Variants in MIPEP observed in about 807,000 individuals in gnomAD.
MIPEP encodes the protein mitochondrial intermediate peptidase.
In MIPEP, 79 loss-of-function variants were observed where a neutral mutation model predicts 90.3. That is an observed-to-expected ratio of 0.87 (90% CI 0.73 to 1.05). The LOEUF (loss-of-function observed/expected upper bound fraction) is 1.05, where lower values mean the gene tolerates loss of function less well. Ranked by LOEUF, MIPEP falls within the 50% of genes least tolerant of loss-of-function variation. MIPEP has a pLI of 0.00. For missense variants in MIPEP, 940 were observed against 905.6 expected, an observed-to-expected ratio of 1.04 and a Z score of -0.49; for synonymous variants, 334 against 315.8, an observed-to-expected ratio of 1.06 and a Z score of -0.61.
intron 16 of MIPEP, among the ~76,000 whole-genome samples, chr13:23,777,126 C>T (rs769550013): frequency 2.0e-5 from 3 of 152,130 alleles, no homozygotes; most frequent in Non-Finnish European, 2.9e-5. Flanking sequence ...TGGGTGATCT[C>T]GTGGCTTATT....
intron 16 of MIPEP, among the ~76,000 whole-genome samples, chr13:23,783,069 C>A (rs1338665691): frequency 3.3e-5 from 5 of 152,082 alleles, no homozygotes; most frequent in Admixed American, 6.5e-5. Flanking sequence ...CTATTCCAAT[C>A]AATAGAAAAA....
At chr13:23,795,986 C>G (rs949369579) in intron 16 of MIPEP, among the ~76,000 whole-genome samples, 1 of 152,054 alleles carries the variant, frequency 6.6e-6, no homozygotes, top group Non-Finnish European at 1.5e-5. Context: ...TGGAGCAAGA[C>G]CCTGTCATAC....
At chr13:23,847,541 A>G (rs1438149120) in intron 10 of MIPEP, among the ~76,000 whole-genome samples, 1 of 151,762 alleles carries the variant, frequency 6.6e-6, no homozygotes, top group Non-Finnish European at 1.5e-5. Context: ...ACTGAATTTC[A>G]TGCTGGCAGG....
At chr13:23,788,034 A>T (rs148568770) in intron 16 of MIPEP, among the ~76,000 whole-genome samples, 1 of 152,208 alleles carries the variant, frequency 6.6e-6, no homozygotes, top group African/African-American at 2.4e-5. Context: ...GGGTGTGCAT[A>T]TGTTTGTGTG....
At chr13:23,794,363 C>A (rs143446796) in intron 16 of MIPEP, among the ~76,000 whole-genome samples, 133 of 152,248 alleles carry the variant, frequency 8.7e-4, no homozygotes, top group African/African-American at 3.1e-3. Flanking sequence ...AAATTAACAA[C>A]ACTCAACTGG....
At chr13:23,810,987 G>A (rs1953165177) in intron 14 of MIPEP, among the ~76,000 whole-genome samples, 1 of 152,228 alleles carries the variant, frequency 6.6e-6, no homozygotes, top group Non-Finnish European at 1.5e-5. Flanking sequence ...CTAAGACACA[G>A]ATGGGAGAAA....
chr13:23,866,695 G>A (rs1870552674), intron 7 of MIPEP, among the ~76,000 whole-genome samples: 1 of 152,172 alleles, frequency 6.6e-6, no homozygotes, highest in Admixed American at 6.5e-5. Flanking sequence ...AGGCCCCAGA[G>A]CGCAGTCCTT....
At chr13:23,812,433 G>C (rs1443813399) in intron 14 of MIPEP, among the ~76,000 whole-genome samples, 1 of 151,938 alleles carries the variant, frequency 6.6e-6, no homozygotes, top group African/African-American at 2.4e-5. Flanking sequence ...GTCCCCATTG[G>C]AGAAGCCGGG....
intron 16 of MIPEP, among the ~76,000 whole-genome samples, chr13:23,800,454 G>A (rs1024538060): frequency 1.3e-5 from 2 of 152,236 alleles, no homozygotes; most frequent in Non-Finnish European, 1.5e-5. Context: ...CTAAATGGAA[G>A]AGAAGTGGTA....
At chr13:23,823,100 C>T (rs1006010835) in intron 14 of MIPEP, among the ~76,000 whole-genome samples, 2 of 152,040 alleles carry the variant, frequency 1.3e-5, no homozygotes, top group Non-Finnish European at 2.9e-5. Context: ...GAAAAAGAAA[C>T]AGTCATTACA....
chr13:23,749,134 C>G (rs1286927743), intron 18 of MIPEP, among the ~76,000 whole-genome samples: 2 of 152,206 alleles, frequency 1.3e-5, no homozygotes, highest in Non-Finnish European at 2.9e-5. Context: ...AACGCCTTTT[C>G]TGTTTCAGTA....
At chr13:23,858,813 A>C (rs1769840925) in intron 10 of MIPEP, 47 bp downstream of exon 10, 2 of 1,528,452 alleles carry the variant, frequency 1.3e-6, no homozygotes, top group African/African-American at 1.4e-5. Context: ...AATAAACATT[A>C]GTTTCCTTTT....
intron 14 of MIPEP, among the ~76,000 whole-genome samples, chr13:23,813,487 C>T (rs1309458282): frequency 6.6e-6 from 1 of 152,022 alleles, no homozygotes. Flanking sequence ...AAAATAATGA[C>T]AAGAAAAAAA....
chr13:23,731,894 A>G (rs1226732353), intron 18 of MIPEP, among the ~76,000 whole-genome samples: 1 of 152,060 alleles, frequency 6.6e-6, no homozygotes, highest in Non-Finnish European at 1.5e-5. Context: ...GAAGACATTC[A>G]ACATCATTAG....
At chr13:23,796,136 C>G (rs907189413) in intron 16 of MIPEP, among the ~76,000 whole-genome samples, 5 of 151,996 alleles carry the variant, frequency 3.3e-5, no homozygotes, top group African/African-American at 7.3e-5. Flanking sequence ...AATTGACTAT[C>G]GGCAGGATGC....
chr13:23,821,189 T>C (rs1953301234), intron 14 of MIPEP, among the ~76,000 whole-genome samples: 1 of 152,214 alleles, frequency 6.6e-6, no homozygotes, highest in Non-Finnish European at 1.5e-5. Context: ...TCTGCAACCT[T>C]TACAAACTAT....
At chr13:23,759,389 A>ACAGCACAGGATCCCCCGCAACCCCTCAGC (rs1952516665) in intron 17 of MIPEP, among the ~76,000 whole-genome samples, 1 of 143,274 alleles carries the variant, frequency 7.0e-6, no homozygotes, top group Non-Finnish European at 1.5e-5. Flanking sequence ...CCCCCACCAG[A>ACAGCACAGGATCCCCCGCAACCCCTCAGC]CAGCACAGGA....
intron 17 of MIPEP, among the ~76,000 whole-genome samples, chr13:23,758,194 C>T (rs1334881964): frequency 1.3e-5 from 2 of 152,156 alleles, no homozygotes; most frequent in Non-Finnish European, 2.9e-5. Flanking sequence ...TGAGGCCCTT[C>T]TCAGCCATGG....
chr13:23,887,148 T>C (rs1362263152), intron 1 of MIPEP, among the ~76,000 whole-genome samples: 1 of 152,198 alleles, frequency 6.6e-6, no homozygotes, highest in East Asian at 1.9e-4. Context: ...AATGAACATA[T>C]TAAAATCATA....
Sources: allele counts gnomAD v4.1 joint callset (sites outside exome capture counted in the v4.1 genomes callset), GRCh38; gene constraint gnomAD v4.1.1; transcripts MANE v1.5; gene names NCBI Gene and HGNC (gene_info 2026-07-23, HGNC 2026-07-21).